The following PPP1R12B variants were observed in gnomAD, a reference collection of about 807,000 sequenced individuals.
PPP1R12B encodes myosin phosphatase target subunit 2.
Under a neutral mutation model 126.1 loss-of-function variants are expected in PPP1R12B, and 76 were observed. The observed-to-expected ratio is 0.60, with a 90% CI of 0.50 to 0.73. PPP1R12B has a LOEUF of 0.73. Ranked by LOEUF, PPP1R12B falls within the 30% of genes least tolerant of loss-of-function variation. The pLI, the probability that PPP1R12B is intolerant of heterozygous loss-of-function variation, is 0.00. For missense variants in PPP1R12B, 1,052 were observed against 1,205.1 expected (o/e 0.87, Z 1.88); for synonymous variants, 356 against 434.7 (o/e 0.82, Z 2.25).
intron 18 of PPP1R12B, among the ~76,000 whole-genome samples, chr1:202,548,268 TGAC>T (rs564158750): frequency 4.3e-4 from 66 of 152,306 alleles, no homozygotes; most frequent in African/African-American, 1.6e-3. Context: ...GAAAGAGAGA[TGAC>T]GACAACAAAA....
chr1:202,533,259 T>C (rs1405905043), intron 18 of PPP1R12B, among the ~76,000 whole-genome samples: 1 of 151,852 alleles, frequency 6.6e-6, no homozygotes, highest in East Asian at 1.9e-4. Context: ...AGACTTTCCT[T>C]GACTTATATG....
chr1:202,415,169 A>T (rs557879811), intron 1 of PPP1R12B, among the ~76,000 whole-genome samples: 90 of 152,122 alleles, frequency 5.9e-4, no homozygotes, highest in African/African-American at 2.1e-3. Context: ...ACAGAATATT[A>T]AAAAAAACAT....
chr1:202,580,828 A>C lies in PPP1R12B; in HGVS notation c.*268A>C. 1 of 392,386 alleles carries C rather than the reference A, an allele frequency of 2.5e-6. No individual in the cohort carries two copies. The highest frequency in any genetic ancestry group is 2.7e-5 in the South Asian group (1 of 36,884). 24.3% of individuals were successfully genotyped at this position (392,386 alleles called of 1,614,324 possible). Reference sequence around the variant, plus strand: ...GAGCCATCTGGAGAATGCTCTGGGGAGTACACCAGGCTCAGCTGTGGACCC... The same window carrying C: ...GAGCCATCTGGAGAATGCTCTGGGGCGTACACCAGGCTCAGCTGTGGACCC... On this transcript the variant is annotated 3_prime_UTR_variant, in exon 24 of 24. Coordinates refer to ENST00000608999, the MANE Select transcript of PPP1R12B (RefSeq NM_002481.4).
intron 1 of PPP1R12B, among the ~76,000 whole-genome samples, chr1:202,367,357 G>T (rs1659415922): frequency 6.6e-6 from 1 of 152,142 alleles, no homozygotes; most frequent in Admixed American, 6.5e-5. Context: ...TGTGCACAGT[G>T]CCTTATTCTT....
chr1:202,446,256 A>ATATAT (rs376183502), intron 12 of PPP1R12B, among the ~76,000 whole-genome samples: 43 of 54,334 alleles, frequency 7.9e-4, no homozygotes, highest in South Asian at 5.2e-3. Context: ...ATATATATAT[A>ATATAT]TTTTTTTTTT....
At chr1:202,427,916 C>T (rs1342012082) in intron 5 of PPP1R12B, among the ~76,000 whole-genome samples, 1 of 152,086 alleles carries the variant, frequency 6.6e-6, no homozygotes, top group East Asian at 1.9e-4. Context: ...TCCCAAAACG[C>T]TGGGATTACA....
In PPP1R12B at chr1:202,440,172, G is replaced by T. The variant is rs1671425342; in HGVS notation, c.1459-534G>T. ...TTCCAGATTTTATAGGACTCTCTTTGTGCTTTTCTCTGGGGTCACATCTTC... is the reference window on the plus strand; with the variant it reads ...TTCCAGATTTTATAGGACTCTCTTTTTGCTTTTCTCTGGGGTCACATCTTC... On this transcript the variant is annotated intron_variant, in intron 10 of 23. Transcript: ENST00000608999. 3.3e-5 allele frequency among the ~76,000 whole-genome samples: 5 copies of T among 151,946 alleles called. No individual in the cohort carries two copies. The South Asian group carries it at 1.0e-3, about 32-fold the overall frequency.
intron 18 of PPP1R12B, among the ~76,000 whole-genome samples, chr1:202,500,189 A>G (rs1680045621): frequency 6.6e-6 from 1 of 151,112 alleles, no homozygotes; most frequent in South Asian, 2.1e-4. Context: ...AGTGGTTAGG[A>G]TTTGGTGCTC....
chr1:202,500,906 T>TA (rs1284676264), intron 18 of PPP1R12B, among the ~76,000 whole-genome samples: 1 of 152,254 alleles, frequency 6.6e-6, no homozygotes, highest in Non-Finnish European at 1.5e-5. Context: ...CATGCATTGC[T>TA]ATGCTGGGGA....
chr1:202,459,257 C>A (rs577259725), intron 13 of PPP1R12B, among the ~76,000 whole-genome samples: 5 of 151,834 alleles, frequency 3.3e-5, no homozygotes, highest in Non-Finnish European at 7.4e-5. Context: ...TTTATTTTTT[C>A]TGTATTTTCC....
rs113947729 is a variant in PPP1R12B, at chr1:202,482,175, G to T, written c.1851-6358G>T. On this transcript the variant is annotated intron_variant, in intron 13 of 23. Coordinates refer to ENST00000608999, the MANE Select transcript of PPP1R12B (RefSeq NM_002481.4). ...GACTCAGTTTCATATTTTTGTTAAC[G>T]TAAATAGTGCTGCCATAAACACGGT... Among the ~76,000 whole-genome samples, 639 of 151,914 alleles carry T rather than the reference G, an allele frequency of 4.2e-3. 2 individuals are homozygous for T. The highest frequency in any genetic ancestry group is 7.2e-3 in the Non-Finnish European group (490 of 67,980).
At chr1:202,380,588 A>G (rs999999325) in intron 1 of PPP1R12B, among the ~76,000 whole-genome samples, 2 of 152,116 alleles carry the variant, frequency 1.3e-5, no homozygotes, top group Non-Finnish European at 2.9e-5. Context: ...CTGAAGCTTT[A>G]TATTCTCAAC....
intron 15 of PPP1R12B, among the ~76,000 whole-genome samples, chr1:202,494,584 A>C (rs899778925): frequency 2.8e-4 from 18 of 65,122 alleles, no homozygotes; most frequent in African/African-American, 7.3e-4. Flanking sequence ...CTCAGGTTTA[A>C]AAAAAAAAAA....
intron 12 of PPP1R12B, among the ~76,000 whole-genome samples, chr1:202,447,003 A>G (rs1385596551): frequency 1.3e-5 from 2 of 152,222 alleles, no homozygotes; most frequent in African/African-American, 4.8e-5. Context: ...CAAAGAAAAA[A>G]TGCTTCTGAA....
chr1:202,524,879 TTTA>T (rs1478235075), intron 18 of PPP1R12B, among the ~76,000 whole-genome samples: 1 of 152,130 alleles, frequency 6.6e-6, no homozygotes, highest in Non-Finnish European at 1.5e-5. Flanking sequence ...GGAATCCAAT[TTTA>T]TTTTTTTATT....
At chr1:202,355,079 AT>A (rs1656819145) in intron 1 of PPP1R12B, among the ~76,000 whole-genome samples, 1 of 151,428 alleles carries the variant, frequency 6.6e-6, no homozygotes, top group South Asian at 2.1e-4. Context: ...TAATTTTTGT[AT>A]TTTTAGTAGA....
chr1:202,436,687 G>C (rs528930895), intron 9 of PPP1R12B, among the ~76,000 whole-genome samples: 1 of 152,124 alleles, frequency 6.6e-6, no homozygotes, highest in East Asian at 1.9e-4. Flanking sequence ...TAAGGACAAT[G>C]TAAGCTTTCC....
intron 18 of PPP1R12B, among the ~76,000 whole-genome samples, chr1:202,528,009 G>T (rs1437787166): frequency 6.6e-6 from 1 of 152,190 alleles, no homozygotes; most frequent in African/African-American, 2.4e-5. Context: ...TCATCCTTCT[G>T]TGTGGACCAG....
At chr1:202,484,787 T>C (rs1457139220) in intron 13 of PPP1R12B, among the ~76,000 whole-genome samples, 1 of 152,156 alleles carries the variant, frequency 6.6e-6, no homozygotes, top group Admixed American at 6.5e-5. Flanking sequence ...TTCATTTTTT[T>C]CCCCCAAACA....
Sources: allele counts gnomAD v4.1 joint callset (sites outside exome capture counted in the v4.1 genomes callset), GRCh38; gene constraint gnomAD v4.1.1; transcripts MANE v1.5; gene names NCBI Gene and HGNC (gene_info 2026-07-23, HGNC 2026-07-21).